The following SHROOM3 variants were observed in gnomAD, a reference collection of about 807,000 sequenced individuals.
SHROOM3 encodes shroom family member 3, also known as protein Shroom3.
A neutral mutation model predicts 138.6 loss-of-function variants in SHROOM3; 47 were observed. The observed-to-expected ratio is 0.34, with a 90% CI of 0.27 to 0.43. The LOEUF (loss-of-function observed/expected upper bound fraction) is 0.43, where lower values mean the gene tolerates loss of function less well. SHROOM3 is among the 20% of genes least tolerant of loss of function. SHROOM3 has a pLI of 1.00. For synonymous variants in SHROOM3, 1,062 were observed against 1,063.3 expected (o/e 1.00, Z 0.02); for missense variants, 2,491 against 2,596.5 (o/e 0.96, Z 0.88).
At chr4:76,735,789 G>A (rs1413821229) in intron 4 of SHROOM3, among the ~76,000 whole-genome samples, 6 of 138,848 alleles carry the variant, frequency 4.3e-5, no homozygotes, top group African/African-American at 1.6e-4. Flanking sequence ...GCAGTGAGCC[G>A]AGATTGCGCC....
intron 3 of SHROOM3, among the ~76,000 whole-genome samples, chr4:76,714,429 GCTTTTGA>G (rs1425480562): frequency 1.3e-5 from 2 of 152,106 alleles, no homozygotes; most frequent in Non-Finnish European, 2.9e-5. Context: ...TGAGGTGATG[GCTTTTGA>G]CAATACCACA....
chr4:76,692,883 G>A (rs6832967), intron 2 of SHROOM3, among the ~76,000 whole-genome samples: 102,139 of 152,130 alleles, frequency 0.67, 35,457 homozygotes, highest in East Asian at 0.94. Flanking sequence ...TGGAATGATG[G>A]AAATGTTTTA....
chr4:76,442,163 C>G (rs978215589), intron 1 of SHROOM3, among the ~76,000 whole-genome samples: 2 of 152,188 alleles, frequency 1.3e-5, no homozygotes, highest in Non-Finnish European at 2.9e-5. Flanking sequence ...TTAGCAAAAT[C>G]TTTCTCATTT....
intron 2 of SHROOM3, among the ~76,000 whole-genome samples, chr4:76,686,745 C>T (rs1004874779): frequency 6.6e-5 from 10 of 151,834 alleles, no homozygotes; most frequent in African/African-American, 2.2e-4. Flanking sequence ...ATATTTCTTA[C>T]AGGTTATTAT....
intron 1 of SHROOM3, among the ~76,000 whole-genome samples, chr4:76,502,675 C>T (rs973763166): frequency 6.6e-5 from 10 of 152,226 alleles, no homozygotes; most frequent in African/African-American, 2.2e-4. Flanking sequence ...TATATCCTTA[C>T]ATGGCTTTGT....
At chr4:76,722,122 A>T (rs1577995773) in intron 3 of SHROOM3, among the ~76,000 whole-genome samples, 1 of 152,140 alleles carries the variant, frequency 6.6e-6, no homozygotes, top group East Asian at 1.9e-4. Context: ...TGACAGAGTG[A>T]GACCCTGCCT....
At chr4:76,742,159 T>A (rs1035271097) in intron 5 of SHROOM3, 2 of 616,534 alleles carry the variant, frequency 3.2e-6, no homozygotes, top group Admixed American at 4.8e-5. Flanking sequence ...ATTCTCTATC[T>A]ATCTGTCTAC....
chr4:76,683,485 T>A (rs1719255250), intron 2 of SHROOM3, among the ~76,000 whole-genome samples: 2 of 152,186 alleles, frequency 1.3e-5, no homozygotes, highest in African/African-American at 4.8e-5. Flanking sequence ...TTTCCCCCTT[T>A]CTCTTCCCCA....
chr4:76,757,991 G>T (rs1225124946), intron 8 of SHROOM3: 1 of 152,106 alleles, frequency 6.6e-6, no homozygotes, highest in Non-Finnish European at 1.5e-5. Flanking sequence ...TTACTAACAG[G>T]AACACCACGT....
At chr4:76,773,956 C>T (rs1408054386) in intron 10 of SHROOM3, among the ~76,000 whole-genome samples, 2 of 152,178 alleles carry the variant, frequency 1.3e-5, no homozygotes, top group African/African-American at 4.8e-5. Context: ...AACTTTGTGA[C>T]TTACTCAGCC....
chr4:76,632,296 G>A (rs1735348906), intron 2 of SHROOM3, among the ~76,000 whole-genome samples: 1 of 152,150 alleles, frequency 6.6e-6, no homozygotes. Flanking sequence ...CCTCATCCTA[G>A]GAAAGAATGT....
At chr4:76,469,102 C>T (rs1207610123) in intron 1 of SHROOM3, among the ~76,000 whole-genome samples, 1 of 151,212 alleles carries the variant, frequency 6.6e-6, no homozygotes, top group South Asian at 2.1e-4. Flanking sequence ...CTCGGGAGGC[C>T]GAGGCAGGAG....
chr4:76,498,444 A>G (rs896135228), intron 1 of SHROOM3, among the ~76,000 whole-genome samples: 1 of 152,114 alleles, frequency 6.6e-6, no homozygotes, highest in Non-Finnish European at 1.5e-5. Flanking sequence ...ATGGATGATG[A>G]TAGGAGGAGG....
At chr4:76,583,466 G>T (rs1193007208) in intron 2 of SHROOM3, among the ~76,000 whole-genome samples, 1 of 152,180 alleles carries the variant, frequency 6.6e-6, no homozygotes, top group Non-Finnish European at 1.5e-5. Flanking sequence ...CTTTTTCATA[G>T]CATCACCTTC....
At chr4:76,717,585 T>C (rs1192727636) in intron 3 of SHROOM3, among the ~76,000 whole-genome samples, 1 of 152,164 alleles carries the variant, frequency 6.6e-6, no homozygotes, top group East Asian at 1.9e-4. Flanking sequence ...TATTCAGATA[T>C]CCTCAGGCAC....
At chr4:76,776,532 A>G (rs913279182) in intron 10 of SHROOM3, among the ~76,000 whole-genome samples, 2 of 152,178 alleles carry the variant, frequency 1.3e-5, no homozygotes, top group African/African-American at 2.4e-5. Flanking sequence ...GCCAATGCCT[A>G]GAAGATTGTC....
chr4:76,740,412 G>T lies in SHROOM3; in HGVS notation c.2239G>T (p.Ala747Ser), dbSNP rs758088026. 5.1e-5 allele frequency: 82 copies of T among 1,613,078 alleles called. No individual in the cohort carries two copies. Among genetic ancestry groups the T allele is most frequent in the South Asian group, 2.7e-4 (25 of 91,066 alleles). The change falls in exon 5 of 11, where the codon GCC becomes TCC. Residue 747 changes from alanine (A) to serine (S), a missense_variant. By Grantham distance (99) the Ala-to-Ser change is moderately conservative. Transcript: ENST00000296043. The surrounding 1 kb of genome is among the most constrained non-coding windows in gnomAD (Gnocchi z 4.0). ...STDPSPEEPP[A>S]PSHPHTSSLG... ...AGACCCAAGTCCCGAAGAGCCGCCT[G>T]CCCCCTCGCACCCGCACACATCCAG...
chr4:76,765,020 T>A (rs571147828), intron 9 of SHROOM3, among the ~76,000 whole-genome samples: 24 of 152,218 alleles, frequency 1.6e-4, no homozygotes, highest in African/African-American at 5.3e-4. Flanking sequence ...CATTTTTTTT[T>A]AAATCTGTTT....
intron 1 of SHROOM3, among the ~76,000 whole-genome samples, chr4:76,511,732 A>C (rs1316843414): frequency 6.6e-6 from 1 of 152,204 alleles, no homozygotes; most frequent in African/African-American, 2.4e-5. Context: ...AGTCTATTCA[A>C]ATATGTTCCA....
Sources: allele counts gnomAD v4.1 joint callset (sites outside exome capture counted in the v4.1 genomes callset), GRCh38; gene constraint gnomAD v4.1.1; non-coding constraint Gnocchi (gnomAD v3.1); transcripts MANE v1.5; gene names NCBI Gene and HGNC (gene_info 2026-07-23, HGNC 2026-07-21).